ADK: variants seen among roughly 807,000 people sequenced by gnomAD.
ADK encodes the protein adenosine kinase.
A neutral mutation model predicts 44.7 loss-of-function variants in ADK; 24 were observed. The observed-to-expected ratio is 0.54, with a 90% CI of 0.39 to 0.76. The LOEUF (loss-of-function observed/expected upper bound fraction) is 0.76, where lower values mean the gene tolerates loss of function less well. Ranked by LOEUF, ADK falls within the 30% of genes least tolerant of loss-of-function variation. The probability of loss-of-function intolerance (pLI) is 0.00; values close to 1 mark genes in which losing one functional copy is unlikely to be tolerated. For missense variants in ADK, 321 were observed against 425.1 expected, an observed-to-expected ratio of 0.76 and a Z score of 2.15; for synonymous variants, 128 against 142.6, an observed-to-expected ratio of 0.90 and a Z score of 0.73.
intron 4 of ADK, chr10:74,344,636 T>C (rs1841700534): frequency 4.5e-6 from 1 of 220,038 alleles, no homozygotes; most frequent in Admixed American, 4.8e-5. Context: ...CTTTTTGTCA[T>C]TTAAAAATAT....
intron 6 of ADK, among the ~76,000 whole-genome samples, chr10:74,444,646 ATATAATT>A (rs1447459046): frequency 3.9e-5 from 6 of 152,106 alleles, no homozygotes; most frequent in African/African-American, 1.4e-4. Context: ...TAGTGTAAAC[ATATAATT>A]TATAATGTGG....
In ADK at chr10:74,151,244, G is replaced by C; in HGVS notation, c.-35G>C. The stretch of plus-strand genomic sequence containing the variant: ...GGACCAGAGAGTGGATGGCAGAGGT[G>C]GGCTGTAGAGCCAAAGTGGGGTGGG... On this transcript the variant is annotated 5_prime_UTR_variant, in exon 1 of 11. Transcript: ENST00000539909. The C allele has an allele frequency of 6.5e-7, 1 of 1,548,770 alleles. No homozygotes were observed. The highest frequency in any genetic ancestry group is 8.7e-7 in the Non-Finnish European group (1 of 1,146,082).
intron 4 of ADK, among the ~76,000 whole-genome samples, chr10:74,349,647 G>A (rs148622857): frequency 0.011 from 1,606 of 152,026 alleles, 29 homozygotes; most frequent in African/African-American, 0.037. Context: ...AAGATCCATC[G>A]GTGTGCTGTA....
intron 10 of ADK, among the ~76,000 whole-genome samples, chr10:74,702,524 T>TTTCCTTCTTTCCTTCCTTCCTTCC (rs1554900284): frequency 4.1e-5 from 5 of 120,888 alleles, no homozygotes; most frequent in African/African-American, 1.6e-4. Flanking sequence ...TCCTTCCTTC[T>TTTCCTTCTTTCCTTCCTTCCTTCC]TTCCTTCCTT....
At chr10:74,176,766 C>A in intron 1 of ADK, 1 of 1,565,180 alleles carries the variant, frequency 6.4e-7, no homozygotes, top group South Asian at 1.1e-5. Context: ...CGCTCCCAGT[C>A]GCTGAGTGCC....
At chr10:74,230,351 T>A (rs953762123) in intron 3 of ADK, among the ~76,000 whole-genome samples, 2 of 152,184 alleles carry the variant, frequency 1.3e-5, no homozygotes, top group African/African-American at 4.8e-5. Flanking sequence ...AGAGTAACAT[T>A]GATAAAATGA....
At chr10:74,253,868 G>C (rs1845734915) in intron 3 of ADK, among the ~76,000 whole-genome samples, 1 of 151,210 alleles carries the variant, frequency 6.6e-6, no homozygotes, top group African/African-American at 2.4e-5. Flanking sequence ...CCAGGTTCAG[G>C]TGATTCTTTT....
At chr10:74,342,434 A>T (rs1841610411) in intron 4 of ADK, among the ~76,000 whole-genome samples, 1 of 152,284 alleles carries the variant, frequency 6.6e-6, no homozygotes, top group Middle Eastern at 3.4e-3. Context: ...TGTTCAGATT[A>T]TTCATTGCAG....
intron 7 of ADK, among the ~76,000 whole-genome samples, chr10:74,565,776 G>A (rs913294006): frequency 3.4e-5 from 5 of 147,870 alleles, no homozygotes; most frequent in Non-Finnish European, 6.0e-5. Flanking sequence ...AGGAAATAGA[G>A]CAATGTAGTA....
intron 6 of ADK, among the ~76,000 whole-genome samples, chr10:74,466,055 C>T (rs1485809262): frequency 2.0e-5 from 3 of 152,044 alleles, no homozygotes; most frequent in African/African-American, 7.2e-5. Context: ...GGAACATATA[C>T]TGTATAATGT....
intron 7 of ADK, among the ~76,000 whole-genome samples, chr10:74,579,458 C>T (rs1232224651): frequency 6.6e-6 from 1 of 152,116 alleles, no homozygotes; most frequent in African/African-American, 2.4e-5. Flanking sequence ...ATCCTCCCTC[C>T]TCAAACAATG....
At chr10:74,326,551 C>T (rs998068772) in intron 4 of ADK, among the ~76,000 whole-genome samples, 2 of 152,150 alleles carry the variant, frequency 1.3e-5, no homozygotes, top group East Asian at 3.9e-4. Flanking sequence ...GTGGAGGCTG[C>T]AGTGAACTAT....
chr10:74,704,533 G>A (rs1856532024), intron 10 of ADK, among the ~76,000 whole-genome samples: 1 of 151,954 alleles, frequency 6.6e-6, no homozygotes, highest in South Asian at 2.1e-4. Flanking sequence ...TTTCATTTTA[G>A]TTGGTTTTTA....
intron 6 of ADK, among the ~76,000 whole-genome samples, chr10:74,504,314 G>A (rs1436341259): frequency 6.6e-6 from 1 of 151,962 alleles, no homozygotes; most frequent in Non-Finnish European, 1.5e-5. Flanking sequence ...TACAAGGCTT[G>A]AAGAGTGTGC....
At chr10:74,520,308 A>G in intron 6 of ADK, among the ~76,000 whole-genome samples, 1 of 151,714 alleles carries the variant, frequency 6.6e-6, no homozygotes. Context: ...GTTCTCAGTA[A>G]AAACAAAGTC....
chr10:74,406,674 T>TTTTTTC (rs142634856), intron 6 of ADK, among the ~76,000 whole-genome samples: 4 of 148,060 alleles, frequency 2.7e-5, no homozygotes, highest in Non-Finnish European at 4.5e-5. Flanking sequence ...TTGTCTTTTC[T>TTTTTTC]TTTTTATTTT....
intron 7 of ADK, among the ~76,000 whole-genome samples, chr10:74,552,285 CA>C (rs571421948): frequency 6.9e-5 from 10 of 145,584 alleles, no homozygotes; most frequent in Admixed American, 4.8e-4. Flanking sequence ...TAAACCTAAC[CA>C]AAAAAAAAAT....
At chr10:74,273,632 A>T (rs938708739) in intron 3 of ADK, among the ~76,000 whole-genome samples, 1 of 151,760 alleles carries the variant, frequency 6.6e-6, no homozygotes, top group Non-Finnish European at 1.5e-5. Flanking sequence ...TAATTTTTGT[A>T]TTTTTAGTAG....
intron 7 of ADK, among the ~76,000 whole-genome samples, chr10:74,544,898 CT>C (rs112304458): frequency 0.027 from 3,887 of 142,252 alleles, 134 homozygotes; most frequent in African/African-American, 0.076. Context: ...TTCTTTCTTT[CT>C]TTTTTTTTTT....
Sources: allele counts gnomAD v4.1 joint callset (sites outside exome capture counted in the v4.1 genomes callset), GRCh38; gene constraint gnomAD v4.1.1; transcripts MANE v1.5; gene names NCBI Gene and HGNC (gene_info 2026-07-23, HGNC 2026-07-21).